The following NAA80 variants were observed in gnomAD, a reference collection of about 807,000 sequenced individuals.
NAA80 encodes the protein N-alpha-acetyltransferase 80, NatH catalytic subunit.
NAA80 carries 5 observed loss-of-function variants against 8.7 expected under a neutral mutation model. The ratio of observed to expected loss-of-function variants is 0.58; its 90% CI spans 0.30 to 1.21. NAA80 has a LOEUF of 1.21. NAA80 is among the 50% of genes most tolerant of loss of function. NAA80 has a pLI of 0.07. For missense variants in NAA80, 360 were observed against 368.6 expected, an observed-to-expected ratio of 0.98 and a Z score of 0.19; for synonymous variants, 149 against 156.6, an observed-to-expected ratio of 0.95 and a Z score of 0.36.
At position 50,296,904 on chromosome 3, in the gene NAA80, C is replaced by T; in HGVS notation, c.560G>A (p.Gly187Asp). 6.2e-7 allele frequency: 1 copy of T among 1,608,884 alleles called. No homozygotes were observed. The highest frequency in any genetic ancestry group is 8.5e-7 in the Non-Finnish European group (1 of 1,178,374). The change falls in exon 2 of 2, where the codon GGC (glycine) becomes GAC (aspartate). Residue 187 changes from glycine to aspartate, a missense_variant. By Grantham distance (94) the Gly-to-Asp change is moderately conservative (BLOSUM62 -1). Transcript: ENST00000443094. ...HDQVHFYTHL[G>D]YQLGEPVQGL... ...CTGCACAGGCTCACCCAGCTGGTAG[C>T]CCAGGTGGGTATAGAAGTGCACCTG... is the stretch of plus-strand genomic sequence containing the variant.
At position 50,298,871 on chromosome 3, in the gene NAA80, A is replaced by G. The variant is rs952113292; in HGVS notation, c.-210+342T>C. Reference sequence around the variant, plus strand: ...CGCACCCTTTGGTCTAGAGGGAGGAAGCCCCAGGATCCGCCCCTAGGGCTG... The same window carrying G: ...CGCACCCTTTGGTCTAGAGGGAGGAGGCCCCAGGATCCGCCCCTAGGGCTG... On this transcript the variant is annotated intron_variant, in intron 1 of 1. Transcript: ENST00000443094. 3.1e-6 allele frequency: 4 copies of G among 1,287,240 alleles called. No homozygotes were observed. In the Admixed American group the frequency reaches 1.4e-4, roughly 44 times the overall value. 79.7% of individuals were successfully genotyped at this position (1,287,240 alleles called of 1,614,324 possible).
intron 1 of NAA80, chr3:50,298,776 C>A: frequency 9.4e-7 from 1 of 1,068,378 alleles, no homozygotes; most frequent in Non-Finnish European, 1.1e-6. Context: ...AGGCACCCCC[C>A]TCCCCTCACC....
intron 1 of NAA80, among the ~76,000 whole-genome samples, chr3:50,298,577 TCCTGTGC>T (rs1379926783): frequency 1.3e-5 from 2 of 151,642 alleles, no homozygotes; most frequent in Non-Finnish European, 2.9e-5. Flanking sequence ...GGCCCAGACC[TCCTGTGC>T]CCAAACCCTA....
rs781995653 is a variant in NAA80 at position 50,296,884 on chromosome 3, C to T, written c.580G>A (p.Val194Met). ...CTGCTGGTGAAGACCAGGCCCTGCA[C>T]AGGCTCACCCAGCTGGTAGCCCAGG... ...THLGYQLGEP[V>M]QGLVFTSRRL... The change falls in exon 2 of 2, where the codon GTG becomes ATG. Residue 194 changes from valine (V) to methionine (M), a missense_variant. Physicochemically the swap from Val to Met is conservative, Grantham distance 21. Coordinates refer to ENST00000443094, the MANE Select transcript of NAA80 (RefSeq NM_001200016.2). 14 of 1,606,044 alleles carry T rather than the reference C, an allele frequency of 8.7e-6. No individual in the cohort carries two copies. In the Middle Eastern group the frequency reaches 5.1e-4, roughly 58 times the overall value.
Position 50,297,434 on chromosome 3 carries a change from A to T in NAA80, c.30T>A (p.Ala10=), listed in dbSNP as rs782299613. 3.7e-6 allele frequency: 6 copies of T among 1,611,752 alleles called. No homozygotes were observed. The African/African-American group carries it at 8.0e-5, about 22-fold the overall frequency. The change falls in exon 2 of 2, where the codon GCT becomes GCA. Residue 10 remains alanine, a synonymous_variant. Transcript: ENST00000443094. This position sits in a 1 kb window ranked among gnomAD's most constrained non-coding sequence, Gnocchi z 4.3. MELILSTSP[A]ELTLDPACQP... ...GGCACGCAGGATCCAGAGTCAGCTC[A>T]GCTGGGCTGGTACTCAGGATCAGCT...
chr3:50,299,397 G>A lies in NAA80; in HGVS notation c.-394C>T. On this transcript the variant is annotated 5_prime_UTR_variant, in exon 1 of 2. Coordinates refer to ENST00000443094, the MANE Select transcript of NAA80 (RefSeq NM_001200016.2). ...TAAGGCCTCCCAGCACCCGCGCGTC[G>A]CCGCTTAGAACCCGCCCCTGGTTTG... The A allele has an allele frequency of 7.3e-7, 1 of 1,370,810 alleles. No homozygotes were observed. Among genetic ancestry groups the A allele is most frequent in the Non-Finnish European group, 9.9e-7 (1 of 1,010,276 alleles). The allele number at this position is 1,370,810 out of a possible 1,614,324, so 84.9% of individuals were successfully genotyped here.
At chr3:50,298,220 TC>T (rs1701941017) in intron 1 of NAA80, 4 of 614,388 alleles carry the variant, frequency 6.5e-6, no homozygotes, top group Non-Finnish European at 8.1e-6. Flanking sequence ...CTCCTCCAGC[TC>T]CCAGCCTTTT....
intron 1 of NAA80, 114 bp downstream of exon 1, chr3:50,299,099 G>T: frequency 6.2e-7 from 1 of 1,607,728 alleles, no homozygotes; most frequent in South Asian, 1.1e-5. Flanking sequence ...GGCTCGGCAT[G>T]GTCTGGAAAC....
Position 50,297,630 on chromosome 3 carries a change from T to C in NAA80, c.-167A>G, listed in dbSNP as rs782608113. 1.4e-6 allele frequency: 2 copies of C among 1,459,060 alleles called. No individual in the cohort carries two copies. The highest frequency in any genetic ancestry group is 1.8e-6 in the Non-Finnish European group (2 of 1,111,260). The allele number at this position is 1,459,060 out of a possible 1,614,324, so 90.4% of individuals were successfully genotyped here. On this transcript the variant is annotated 5_prime_UTR_variant, in exon 2 of 2. Transcript: ENST00000443094. This position sits in a 1 kb window ranked among gnomAD's most constrained non-coding sequence, Gnocchi z 4.3. ...GCCAGGCTGGAGGTTAAGACCCCAG[T>C]CTCCAGGCAGTAGCATCTCTTCAGA...
At position 50,299,252 on chromosome 3, in the gene NAA80, C is replaced by T. The variant is rs782772287; in HGVS notation, c.-249G>A. 6.2e-7 allele frequency: 1 copy of T among 1,614,050 alleles called. No homozygotes were observed. The highest frequency in any genetic ancestry group is 8.5e-7 in the Non-Finnish European group (1 of 1,180,010). On this transcript the variant is annotated 5_prime_UTR_variant, in exon 1 of 2. Coordinates refer to ENST00000443094, the MANE Select transcript of NAA80 (RefSeq NM_001200016.2). Reference sequence around the variant, plus strand: ...CTCTGGGATGTTCCGCGTCCTAGCTCCGCACAGCTGGGTATCTCACTCAGT... The same window carrying T: ...CTCTGGGATGTTCCGCGTCCTAGCTTCGCACAGCTGGGTATCTCACTCAGT...
rs782143664 is a variant in NAA80 at position 50,297,464 on chromosome 3, C to T, written c.-1G>A. 1.6e-5 allele frequency: 26 copies of T among 1,599,802 alleles called. 1 individual carries two copies. The South Asian group carries it at 2.7e-4, about 17-fold the overall frequency. ...GGCTGGTACTCAGGATCAGCTCCATCCGGTGTGTAGGGTCTAGTGTAGGGG... is the reference window on the plus strand; with the variant it reads ...GGCTGGTACTCAGGATCAGCTCCATTCGGTGTGTAGGGTCTAGTGTAGGGG... On this transcript the variant is annotated 5_prime_UTR_variant, in exon 2 of 2. Transcript: ENST00000443094. The surrounding 1 kb of genome is among the most constrained non-coding windows in gnomAD (Gnocchi z 4.3).
chr3:50,297,156 A>G lies in NAA80; in HGVS notation c.308T>C (p.Leu103Pro). The G allele has an allele frequency of 6.3e-7, 1 of 1,599,626 alleles. No individual in the cohort carries two copies. The highest frequency in any genetic ancestry group is 8.5e-7 in the Non-Finnish European group (1 of 1,171,986). The change falls in exon 2 of 2, where the codon CTC becomes CCC. Residue 103 changes from leucine to proline, a missense_variant. Transcript: ENST00000443094. This position sits in a 1 kb window ranked among gnomAD's most constrained non-coding sequence, Gnocchi z 4.3. The stretch of plus-strand genomic sequence containing the variant: ...GTGGGGGCTTAGCAGCATCAGGCAG[A>G]GGGGGAAGGCATCTGAGGACTGGCC... ...SLGQSSDAFP[L>P]CLMLLSPHPT...
In NAA80 at chr3:50,296,917, A is replaced by T. The variant is rs1174344957; in HGVS notation, c.547T>A (p.Tyr183Asn). ...HLTTHDQVHF[Y>N]THLGYQLGEP... ...CCCAGCTGGTAGCCCAGGTGGGTAT[A>T]GAAGTGCACCTGGTCATGGGTGGTG... The change falls in exon 2 of 2, where the codon TAT becomes AAT. Residue 183 changes from tyrosine (Y) to asparagine (N), a missense_variant. Transcript: ENST00000443094. 3 of 1,609,852 alleles carry T rather than the reference A, an allele frequency of 1.9e-6. No homozygotes were observed. In the Admixed American group the frequency reaches 5.1e-5, roughly 27 times the overall value.
chr3:50,296,658 G>C lies in NAA80; in HGVS notation c.806C>G (p.Thr269Arg), dbSNP rs782146142. Reference protein sequence around the residue: ...SGPPSKSLLETQYQNVRGRPI... With the variant: ...SGPPSKSLLERQYQNVRGRPI... The stretch of plus-strand genomic sequence containing the variant: ...GCGCCCCCTCACATTTTGATATTGT[G>C]TCTCCAGCAGGCTTTTTGAAGGGGG... The change falls in exon 2 of 2, where the codon ACA becomes AGA. Residue 269 changes from threonine to arginine, a missense_variant. Coordinates refer to ENST00000443094, the MANE Select transcript of NAA80 (RefSeq NM_001200016.2). The C allele has an allele frequency of 1.9e-6, 3 of 1,614,000 alleles. No individual in the cohort carries two copies. Among genetic ancestry groups the C allele is most frequent in the African/African-American group, 2.7e-5 (2 of 75,006 alleles).
In NAA80 at chr3:50,297,616, G is replaced by A. The variant is rs76889110; in HGVS notation, c.-153C>T. 1,876 of 1,476,412 alleles carry A rather than the reference G, an allele frequency of 1.3e-3. 15 individuals carry two copies. In the African/African-American group the frequency reaches 0.023, roughly 18 times the overall value. 91.5% of individuals were successfully genotyped at this position (1,476,412 alleles called of 1,614,324 possible). The stretch of plus-strand genomic sequence containing the variant: ...GCAGGTGGCTCAGTGCCAGGCTGGA[G>A]GTTAAGACCCCAGTCTCCAGGCAGT... On this transcript the variant is annotated 5_prime_UTR_variant, in exon 2 of 2. Transcript: ENST00000443094. This position sits in a 1 kb window ranked among gnomAD's most constrained non-coding sequence, Gnocchi z 4.3.
rs971287552 is a variant in NAA80 at position 50,299,293 on chromosome 3, C to T, written c.-290G>A. The T allele has an allele frequency of 4.3e-6, 7 of 1,612,314 alleles. No homozygotes were observed. The highest frequency in any genetic ancestry group is 1.7e-5 in the Admixed American group (1 of 59,890). On this transcript the variant is annotated 5_prime_UTR_variant, in exon 1 of 2. Transcript: ENST00000443094. ...CTCACTCAGTCGCCACCTCGGACTC[C>T]TCGGTCCGACAACGTTGGCCCCCAG...
chr3:50,298,958 G>T, intron 1 of NAA80: 1 of 1,432,292 alleles, frequency 7.0e-7, no homozygotes, highest in African/African-American at 1.4e-5. Flanking sequence ...TGTGGGCGGG[G>T]CTCCGGGGTC....
rs2269432 is a variant in NAA80, at chr3:50,296,800, T to A, written c.664A>T (p.Arg222Trp). The A allele has an allele frequency of 0.042, 67,017 of 1,579,904 alleles. 12,564 individuals are homozygous for A. The East Asian group carries it at 0.54, about 13-fold the overall frequency. ...FPTAPSPRPP[R>W]KAPNLTAQAA... ...TGGGCAGTCAGGTTTGGGGCCTTCC[T>A]GGGTGGCCGGGGAGAGGGGGCTGTG... The change falls in exon 2 of 2, where the codon AGG becomes TGG. Residue 222 changes from arginine to tryptophan, a missense_variant. Physicochemically the swap from Arg to Trp is moderately radical, Grantham distance 101 (BLOSUM62 -3). Transcript: ENST00000443094.
Position 50,297,104 on chromosome 3 carries a change from C to A in NAA80, c.360G>T (p.Val120=), listed in dbSNP as rs782052987. 6.4e-7 allele frequency: 1 copy of A among 1,551,984 alleles called. No homozygotes were observed. The highest frequency in any genetic ancestry group is 1.4e-5 in the African/African-American group (1 of 73,260). Residue 120 remains valine, a synonymous_variant, in exon 2 of 2, where the codon GTG becomes GTT. Coordinates refer to ENST00000443094, the MANE Select transcript of NAA80 (RefSeq NM_001200016.2). The surrounding 1 kb of genome is among the most constrained non-coding windows in gnomAD (Gnocchi z 4.3). ...PHPTLEAAPV[V]VGHARLSRVL... ...CCCGTGACAGGCGGGCATGGCCCAC[C>A]ACAACGGGTGCTGCTTCAAGTGTGG...
Sources: allele counts gnomAD v4.1 joint callset (sites outside exome capture counted in the v4.1 genomes callset), GRCh38; gene constraint gnomAD v4.1.1; non-coding constraint Gnocchi (gnomAD v3.1); transcripts MANE v1.5; gene names NCBI Gene and HGNC (gene_info 2026-07-23, HGNC 2026-07-21).